The following TDRD12 variants were observed in gnomAD, a reference collection of about 807,000 sequenced individuals.
TDRD12 encodes the protein putative ATP-dependent RNA helicase TDRD12.
TDRD12 carries 158 observed loss-of-function variants against 133.5 expected under a neutral mutation model. The ratio of observed to expected loss-of-function variants is 1.18; its 90% CI spans 1.04 to 1.35. TDRD12 has a LOEUF of 1.35. TDRD12 is among the 40% of genes most tolerant of loss of function. The pLI, the probability that TDRD12 is intolerant of heterozygous loss-of-function variation, is 0.00. For synonymous variants in TDRD12, 460 were observed against 477.9 expected (o/e 0.96, Z 0.49); for missense variants, 1,443 against 1,321.3 (o/e 1.09, Z -1.43).
chr19:32,800,677 T>A (rs1380283900), exon 18 of TDRD12: 5 of 1,535,562 alleles, frequency 3.3e-6, no homozygotes, highest in South Asian at 1.2e-5. Context: ...TGAAAAAACT[T>A]CTTCTTTACT....
At position 32,799,197 on chromosome 19, in the gene TDRD12, A is replaced by G. The variant is rs10416408; in HGVS notation, c.1758+762A>G. ...TGCACTTGGGAGTAATGATGGCCCC[A>G]GTTTTGAGTCCAGGCTTTGTTACTG... On this transcript the variant is annotated intron_variant, in intron 16 of 27. Transcript: ENST00000444215. Among the ~76,000 whole-genome samples, 817 of 151,806 alleles carry G rather than the reference A, an allele frequency of 5.4e-3. 8 individuals carry two copies. Among genetic ancestry groups the G allele is most frequent in the African/African-American group, 0.019 (767 of 41,192 alleles).
At chr19:32,790,909 C>T (rs1334999252) in intron 12 of TDRD12, 55 bp from the exon 13 acceptor site, 3 of 1,513,656 alleles carry the variant, frequency 2.0e-6, no homozygotes, top group Non-Finnish European at 2.6e-6. Context: ...TTCTTGATCT[C>T]CTGTGCTGAC....
intron 14 of TDRD12, 24 bp from the exon 15 acceptor site, chr19:32,797,711 A>G (rs747668799): frequency 6.1e-6 from 4 of 651,420 alleles, no homozygotes; most frequent in African/African-American, 5.5e-5. Context: ...GTCTGGAGTC[A>G]TTTGAATTTG....
intron 12 of TDRD12, 89 bp downstream of exon 12, chr19:32,790,680 G>A: frequency 6.4e-7 from 1 of 1,551,514 alleles, no homozygotes; most frequent in Non-Finnish European, 8.7e-7. Flanking sequence ...CCAGACTTGA[G>A]ATTAGAAGAG....
intron 1 of TDRD12, 41 bp downstream of exon 1, chr19:32,720,137 T>TG: frequency 1.3e-6 from 2 of 1,520,020 alleles, no homozygotes; most frequent in African/African-American, 1.5e-5. Context: ...ACCCACGCAG[T>TG]CCCCCACCCC....
intron 27 of TDRD12, among the ~76,000 whole-genome samples, 195 bp from the exon 28 acceptor site, chr19:32,820,838 T>G (rs1279136262): frequency 6.6e-6 from 1 of 152,182 alleles, no homozygotes; most frequent in African/African-American, 2.4e-5. Context: ...AGTCATGCAC[T>G]GTGTGCTTGC....
chr19:32,810,670 C>T (rs1374065054), intron 23 of TDRD12, among the ~76,000 whole-genome samples: 2 of 152,200 alleles, frequency 1.3e-5, no homozygotes, highest in Admixed American at 6.5e-5. Flanking sequence ...ATCACATGCT[C>T]GTTTGTACCC....
At chr19:32,757,283 G>A (rs1970023839) in intron 8 of TDRD12, among the ~76,000 whole-genome samples, 153 bp downstream of exon 8, 1 of 152,166 alleles carries the variant, frequency 6.6e-6, no homozygotes, top group Non-Finnish European at 1.5e-5. Context: ...TCCTGAAAGA[G>A]TTCATGTGTC....
chr19:32,794,896 C>A, intron 14 of TDRD12, 83 bp downstream of exon 14: 1 of 641,088 alleles, frequency 1.6e-6, no homozygotes, highest in Non-Finnish European at 2.8e-6. Context: ...TGAGGAAGGT[C>A]GTCTATTACT....
intron 23 of TDRD12, among the ~76,000 whole-genome samples, chr19:32,810,783 T>C (rs1051026913): frequency 4.6e-4 from 70 of 152,054 alleles, no homozygotes; most frequent in African/African-American, 1.7e-3. Context: ...TCCCAACACT[T>C]TGGGAGGCTG....
At position 32,797,766 on chromosome 19, in the gene TDRD12, A is replaced by C. The variant is rs1447941102; in HGVS notation, c.1505A>C (p.Lys502Thr). ...GCAGTCATCGTGTGCCCTGGGTGGA[A>C]GAAGGCCCAATTTATTTTTGAATTA... The change falls in exon 15 of 28, where the codon AAG (lysine) becomes ACG (threonine). Residue 502 changes from lysine (K) to threonine (T), a missense_variant. Coordinates refer to ENST00000444215, the Ensembl canonical transcript of TDRD12. 5.7e-6 allele frequency: 4 copies of C among 700,616 alleles called. No homozygotes were observed. In the Admixed American group the frequency reaches 8.1e-5, roughly 14 times the overall value. The allele number at this position is 700,616 out of a possible 1,614,324, so 43.4% of individuals were successfully genotyped here.
chr19:32,792,262 A>C (rs574784857), intron 13 of TDRD12, among the ~76,000 whole-genome samples: 1 of 152,184 alleles, frequency 6.6e-6, no homozygotes, highest in South Asian at 2.1e-4. Context: ...AAAAAGACCG[A>C]AACAAACTCT....
intron 17 of TDRD12, 37 bp from the exon 18 acceptor site, chr19:32,800,607 A>G: frequency 1.3e-6 from 2 of 1,506,456 alleles, no homozygotes; most frequent in South Asian, 1.3e-5. Context: ...CACCTAAAAT[A>G]TTAAAAAGTC....
chr19:32,744,717 C>T (rs1336462659), intron 4 of TDRD12, among the ~76,000 whole-genome samples: 2 of 152,072 alleles, frequency 1.3e-5, no homozygotes, highest in Non-Finnish European at 2.9e-5. Flanking sequence ...TGAATGAGCA[C>T]TACCGAGTGG....
chr19:32,829,003 T>G (rs919805515), exon 10 of TDRD12: 8 of 152,364 alleles, frequency 5.3e-5, no homozygotes, highest in African/African-American at 1.9e-4. Context: ...GATTTTCCTT[T>G]TTTGTAGCTA....
intron 8 of TDRD12, among the ~76,000 whole-genome samples, chr19:32,771,763 A>G (rs1970449435): frequency 6.6e-6 from 1 of 152,208 alleles, no homozygotes; most frequent in Admixed American, 6.5e-5. Context: ...CTGATAATGT[A>G]ATTCCAAACC....
intron 11 of TDRD12, among the ~76,000 whole-genome samples, chr19:32,781,908 C>T (rs2145633530): frequency 6.6e-6 from 1 of 152,158 alleles, no homozygotes. Flanking sequence ...CTTTTAAGAA[C>T]CTCTGTGACT....
intron 2 of TDRD12, 94 bp downstream of exon 2, chr19:32,731,977 T>G: frequency 7.6e-7 from 1 of 1,308,250 alleles, no homozygotes; most frequent in Non-Finnish European, 1.0e-6. Flanking sequence ...GCTTTTAGAG[T>G]ATTTTAGTTT....
intron 5 of TDRD12, 52 bp downstream of exon 5, chr19:32,748,583 G>A: frequency 1.3e-6 from 2 of 1,513,212 alleles, no homozygotes; most frequent in African/African-American, 1.4e-5. Context: ...ACCCACAGAG[G>A]CCTCAGCTTC....
Sources: gnomAD v4.1 joint callset for allele counts (sites outside exome capture counted in the v4.1 genomes callset) on GRCh38, gnomAD v4.1.1 for gene constraint, MANE v1.5 for transcripts, NCBI Gene and HGNC (gene_info 2026-07-23, HGNC 2026-07-21) for gene names.